The following NT5C1A variants were observed in gnomAD, a reference collection of about 807,000 sequenced individuals.
NT5C1A encodes the protein 5'-nucleotidase, cytosolic IA.
A neutral mutation model predicts 31.0 loss-of-function variants in NT5C1A; 18 were observed. That is an observed-to-expected ratio of 0.58 (90% CI 0.40 to 0.86). NT5C1A has a LOEUF of 0.86. Ranked by LOEUF, NT5C1A falls within the 40% of genes least tolerant of loss-of-function variation. The probability of loss-of-function intolerance (pLI) is 0.00; values close to 1 mark genes in which losing one functional copy is unlikely to be tolerated. For synonymous variants in NT5C1A, 185 were observed against 203.6 expected (o/e 0.91, Z 0.78); for missense variants, 470 against 505.4 (o/e 0.93, Z 0.67).
At chr1:39,668,205 G>C (rs1646533348) in intron 1 of NT5C1A, among the ~76,000 whole-genome samples, 1 of 152,214 alleles carries the variant, frequency 6.6e-6, no homozygotes. Context: ...GGAGGCCTTT[G>C]GAACAGGAGC....
rs184138095 is a variant in NT5C1A at position 39,661,100 on chromosome 1, G to A, written c.720C>T (p.His240=). 2.1e-5 allele frequency: 34 copies of A among 1,587,522 alleles called. No homozygotes were observed. In the East Asian group the frequency reaches 4.5e-4, roughly 21 times the overall value. Residue 240 remains histidine (H), a synonymous_variant, in exon 5 of 6, where the codon CAC becomes CAT. Transcript: ENST00000235628. ...LDRFFEHEKA[H]ENKPLAQGPL... ...GCACCTGAGCCAGAGGTTTGTTCTC[G>A]TGGGCCTTCTCATGCTCGAAGAATC...
chr1:39,653,604 C>T lies in NT5C1A; in HGVS notation c.*5517G>A, dbSNP rs963079254. 2.6e-5 allele frequency among the ~76,000 whole-genome samples: 4 copies of T among 152,148 alleles called. No individual in the cohort carries two copies. The highest frequency in any genetic ancestry group is 2.1e-4 in the South Asian group (1 of 4,826). ...TCCTTTTTGGCTGGCTAGAGCTAAC[C>T]GTGGGGAGAGTCCAGCGCAGCACTA... is the stretch of plus-strand genomic sequence containing the variant. On this transcript the variant is annotated 3_prime_UTR_variant, in exon 6 of 6. Coordinates refer to ENST00000235628, the MANE Select transcript of NT5C1A (RefSeq NM_032526.3).
At position 39,655,182 on chromosome 1, in the gene NT5C1A, C is replaced by T. The variant is rs190064426; in HGVS notation, c.*3939G>A. 7.3e-4 allele frequency among the ~76,000 whole-genome samples: 111 copies of T among 152,286 alleles called. No individual in the cohort carries two copies. Among genetic ancestry groups the T allele is most frequent in the African/African-American group, 2.5e-3 (106 of 41,570 alleles). On this transcript the variant is annotated 3_prime_UTR_variant, in exon 6 of 6. Coordinates refer to ENST00000235628, the MANE Select transcript of NT5C1A (RefSeq NM_032526.3). The stretch of plus-strand genomic sequence containing the variant: ...GTCTCGATCTCCTGACCTTGTGATC[C>T]ACCCGCCTTGGCCTCCCAAAGTGCT...
chr1:39,661,433 G>T (rs1187949470), intron 4 of NT5C1A, among the ~76,000 whole-genome samples, 170 bp from the exon 5 acceptor site: 1 of 152,234 alleles, frequency 6.6e-6, no homozygotes, highest in Non-Finnish European at 1.5e-5. Flanking sequence ...TCCTGGCCAA[G>T]AAGAGGGCAG....
chr1:39,668,307 A>G (rs1033398574), intron 1 of NT5C1A, among the ~76,000 whole-genome samples: 1 of 152,160 alleles, frequency 6.6e-6, no homozygotes, highest in African/African-American at 2.4e-5. Flanking sequence ...CAGCCCCATT[A>G]GGCAGGTTCC....
At position 39,653,094 on chromosome 1, in the gene NT5C1A, A is replaced by G. The variant is rs1462006353; in HGVS notation, c.*6027T>C. 6.6e-6 allele frequency among the ~76,000 whole-genome samples: 1 copy of G among 152,120 alleles called. No homozygotes were observed. The highest frequency in any genetic ancestry group is 1.5e-5 in the Non-Finnish European group (1 of 68,016). ...CTTGGCACTGTTAGGGGGAGGGAAG[A>G]AACAAATGGAGATGATGAGGCAGGT... On this transcript the variant is annotated 3_prime_UTR_variant, in exon 6 of 6. Transcript: ENST00000235628.
chr1:39,669,940 G>T (rs1034189611), intron 1 of NT5C1A, among the ~76,000 whole-genome samples: 2 of 151,956 alleles, frequency 1.3e-5, no homozygotes, highest in Non-Finnish European at 2.9e-5. Context: ...GCTCCATAAT[G>T]GTATTCATAT....
chr1:39,655,782 C>T lies in NT5C1A; in HGVS notation c.*3339G>A, dbSNP rs979352012. ...GAGGCTGCATTGTGGGAAAATGGAG[C>T]GCTCACAGTGGAAAGGTCAGCTGAG... is the stretch of plus-strand genomic sequence containing the variant. On this transcript the variant is annotated 3_prime_UTR_variant, in exon 6 of 6. Coordinates refer to ENST00000235628, the MANE Select transcript of NT5C1A (RefSeq NM_032526.3). 6.6e-6 allele frequency among the ~76,000 whole-genome samples: 1 copy of T among 151,904 alleles called. No individual in the cohort carries two copies. Among genetic ancestry groups the T allele is most frequent in the Non-Finnish European group, 1.5e-5 (1 of 67,994 alleles).
In NT5C1A at chr1:39,661,092, T is replaced by A; in HGVS notation, c.728A>T (p.Lys243Ile). The A allele has an allele frequency of 1.3e-6, 2 of 1,582,876 alleles. No homozygotes were observed. Among genetic ancestry groups the A allele is most frequent in the Non-Finnish European group, 1.7e-6 (2 of 1,154,478 alleles). Residue 243 changes from lysine to isoleucine, a missense_variant, in exon 5 of 6, where the codon AAA becomes ATA. Coordinates refer to ENST00000235628, the MANE Select transcript of NT5C1A (RefSeq NM_032526.3). ...FFEHEKAHEN[K>I]PLAQGPLKGF... ...TATGGGGAGCACCTGAGCCAGAGGT[T>A]TGTTCTCGTGGGCCTTCTCATGCTC...
intron 1 of NT5C1A, among the ~76,000 whole-genome samples, chr1:39,666,632 C>CATA (rs1412623541): frequency 6.6e-6 from 1 of 152,180 alleles, no homozygotes; most frequent in East Asian, 1.9e-4. Flanking sequence ...AAATGATGCC[C>CATA]ATAAATATGA....
At position 39,652,103 on chromosome 1, in the gene NT5C1A, G is replaced by A. The variant is rs940628752; in HGVS notation, c.*7018C>T. 7.0e-6 allele frequency among the ~76,000 whole-genome samples: 1 copy of A among 142,428 alleles called. No individual in the cohort carries two copies. The highest frequency in any genetic ancestry group is 1.5e-5 in the Non-Finnish European group (1 of 66,316). 93.4% of individuals were successfully genotyped at this position (142,428 alleles called of 152,430 possible). A position where few individuals can be genotyped will look rare whatever the true frequency, so the allele number is the denominator to read the frequency against. On this transcript the variant is annotated 3_prime_UTR_variant, in exon 6 of 6. Coordinates refer to ENST00000235628, the MANE Select transcript of NT5C1A (RefSeq NM_032526.3). ...CATACGCAGTTTTGAACACACAAAGGCTGAGCTAGGTCATCTCTGAGGTCT... is the reference window on the plus strand; with the variant it reads ...CATACGCAGTTTTGAACACACAAAGACTGAGCTAGGTCATCTCTGAGGTCT...
In NT5C1A at chr1:39,651,767, C is replaced by T. The variant is rs886333735; in HGVS notation, c.*7354G>A. 8.5e-5 allele frequency among the ~76,000 whole-genome samples: 13 copies of T among 152,070 alleles called. No homozygotes were observed. The highest frequency in any genetic ancestry group is 4.2e-4 in the South Asian group (2 of 4,816). On this transcript the variant is annotated 3_prime_UTR_variant, in exon 6 of 6. Coordinates refer to ENST00000235628, the MANE Select transcript of NT5C1A (RefSeq NM_032526.3). ...TTCGTAGGCCGAGTGTGGTGGCTCA[C>T]GCCTGTAATCCCAGCACTTTGGGAG... is the stretch of plus-strand genomic sequence containing the variant.
In NT5C1A at chr1:39,672,091, G is replaced by A. The variant is rs956964863; in HGVS notation, c.-53C>T. On this transcript the variant is annotated 5_prime_UTR_variant, in exon 1 of 6. Transcript: ENST00000235628. ...AGCAGGCGGCGGCGTAGACGCGGAG[G>A]TGGCTGGGGCTGGGCTGCAGGAGGG... 2.7e-5 allele frequency: 37 copies of A among 1,383,312 alleles called. No individual in the cohort carries two copies. The highest frequency in any genetic ancestry group is 3.6e-5 in the Non-Finnish European group (37 of 1,038,754). The allele number at this position is 1,383,312 out of a possible 1,614,324, so 85.7% of individuals were successfully genotyped here. A position where few individuals can be genotyped will look rare whatever the true frequency, so the allele number is the denominator to read the frequency against.
rs1409504356 is a variant in NT5C1A at position 39,652,028 on chromosome 1, C to A, written c.*7093G>T. 5.4e-5 allele frequency among the ~76,000 whole-genome samples: 3 copies of A among 55,228 alleles called. No individual in the cohort carries two copies. Among genetic ancestry groups the A allele is most frequent in the Non-Finnish European group, 6.3e-5 (2 of 31,732 alleles). 36.2% of individuals were successfully genotyped at this position (55,228 alleles called of 152,430 possible). A position where few individuals can be genotyped will look rare whatever the true frequency, so the allele number is the denominator to read the frequency against. ...CCTGAGTGACAGAGCAAGACTCCGT[C>A]TCAAAAAAAAAAAAAAAAAAAAAAA... On this transcript the variant is annotated 3_prime_UTR_variant, in exon 6 of 6. Transcript: ENST00000235628.
Position 39,655,087 on chromosome 1 carries a change from G to A in NT5C1A, c.*4034C>T, listed in dbSNP as rs895980324. Among the ~76,000 whole-genome samples, 3 of 152,060 alleles carry A rather than the reference G, an allele frequency of 2.0e-5. No individual in the cohort carries two copies. The highest frequency in any genetic ancestry group is 1.9e-4 in the East Asian group (1 of 5,184). ...CTCCCGAGTAGCTGGGACTACAGGC[G>A]TGCACCACCACGCCCAGCTAATTTT... On this transcript the variant is annotated 3_prime_UTR_variant, in exon 6 of 6. Coordinates refer to ENST00000235628, the MANE Select transcript of NT5C1A (RefSeq NM_032526.3).
chr1:39,666,120 C>T lies in NT5C1A; in HGVS notation c.252G>A (p.Leu84=), dbSNP rs1283392914. ...QGVEEYVRYQ[L]EHENEPFSPG... is the part of the protein sequence containing the mutation. ...GACTGAAGGGTTCGTTCTCATGTTC[C>T]AGCTGGTAGCGCACGTACTCCTCCA... Residue 84 remains leucine, a synonymous_variant, in exon 2 of 6, where the codon CTG becomes CTA. Coordinates refer to ENST00000235628, the MANE Select transcript of NT5C1A (RefSeq NM_032526.3). The T allele has an allele frequency of 1.9e-6, 3 of 1,613,586 alleles. No homozygotes were observed. The highest frequency in any genetic ancestry group is 2.5e-6 in the Non-Finnish European group (3 of 1,180,008).
chr1:39,665,683 C>T (rs1332845339), intron 2 of NT5C1A, 33 bp from the exon 3 acceptor site: 1 of 1,602,862 alleles, frequency 6.2e-7, no homozygotes, highest in Non-Finnish European at 8.5e-7. Context: ...CAGCTTAGAC[C>T]CCCAAGGATT....
rs1356957765 is a variant in NT5C1A, at chr1:39,652,991, G to T, written c.*6130C>A. Among the ~76,000 whole-genome samples, 1 of 152,116 alleles carries T rather than the reference G, an allele frequency of 6.6e-6. No homozygotes were observed. The highest frequency in any genetic ancestry group is 1.9e-4 in the East Asian group (1 of 5,188). ...TGGCAGGTTGTGCAGGTGTCTAATA[G>T]GTACTACCCATGTCACAATACCAAT... On this transcript the variant is annotated 3_prime_UTR_variant, in exon 6 of 6. Transcript: ENST00000235628.
In NT5C1A at chr1:39,666,343, C is replaced by A. The variant is rs543011937; in HGVS notation, c.136-107G>T. ...TGAGGACATGGAGAAGACCCAGACCCAGTCTCTACCTAAAGAGGCCCAGCC... is the reference window on the plus strand; with the variant it reads ...TGAGGACATGGAGAAGACCCAGACCAAGTCTCTACCTAAAGAGGCCCAGCC... On this transcript the variant is annotated intron_variant, in intron 1 of 5. Transcript: ENST00000235628. 5.0e-5 allele frequency: 54 copies of A among 1,083,562 alleles called. No homozygotes were observed. In the African/African-American group the frequency reaches 6.9e-4, roughly 14 times the overall value. 67.1% of individuals were successfully genotyped at this position (1,083,562 alleles called of 1,614,324 possible).
Sources: gnomAD v4.1 joint callset for allele counts (sites outside exome capture counted in the v4.1 genomes callset) on GRCh38, gnomAD v4.1.1 for gene constraint, MANE v1.5 for transcripts, NCBI Gene and HGNC (gene_info 2026-07-23, HGNC 2026-07-21) for gene names.